Variants in MICA observed in about 807,000 individuals in gnomAD.
The protein encoded by MICA is MHC class I polypeptide-related sequence A, also known as HLA class I antigen.
A neutral mutation model predicts 34.3 loss-of-function variants in MICA; 18 were observed. The ratio of observed to expected loss-of-function variants is 0.52; its 90% CI spans 0.36 to 0.78. The LOEUF is 0.78. MICA is among the 30% of genes least tolerant of loss of function. MICA has a pLI of 0.00. For synonymous variants in MICA, 135 were observed against 156.9 expected, an observed-to-expected ratio of 0.86 and a Z score of 1.04; for missense variants, 333 against 409.4, an observed-to-expected ratio of 0.81 and a Z score of 1.61.
At chr6:31,405,708 A>T (rs1463877586) in intron 1 of MICA, among the ~76,000 whole-genome samples, 2 of 151,026 alleles carry the variant, frequency 1.3e-5, no homozygotes, top group Non-Finnish European at 2.9e-5. Flanking sequence ...CTGCTCCCCC[A>T]CTCCCCACTA....
rs1370013833 is a variant in MICA, at chr6:31,411,024, A to T, written c.326-48A>T. On this transcript the variant is annotated intron_variant, in intron 2 of 5. Transcript: ENST00000449934. The surrounding 1 kb of genome is among the most constrained non-coding windows in gnomAD (Gnocchi z 4.3). Reference sequence around the variant, plus strand: ...TGGGCTGAGTTCCTCACTTGGGTGGAAAGGTGATGGGTTCGGGAATGGAGA... The same window carrying T: ...TGGGCTGAGTTCCTCACTTGGGTGGTAAGGTGATGGGTTCGGGAATGGAGA... 6.6e-7 allele frequency: 1 copy of T among 1,515,690 alleles called. No homozygotes were observed. The highest frequency in any genetic ancestry group is 8.8e-7 in the Non-Finnish European group (1 of 1,130,520). 93.9% of individuals were successfully genotyped at this position (1,515,690 alleles called of 1,614,324 possible).
Position 31,410,813 on chromosome 6 carries a change from G to C in MICA, c.325+16G>C. The C allele has an allele frequency of 1.9e-6, 3 of 1,551,378 alleles. No individual in the cohort carries two copies. The highest frequency in any genetic ancestry group is 2.6e-6 in the Non-Finnish European group (3 of 1,147,038). ...CAGAAAGAAGGTGAGAGTCGGCAGG[G>C]GCAAGAGTGACTGGAGAGGCCTTTT... On this transcript the variant is annotated intron_variant, in intron 2 of 5. Transcript: ENST00000449934.
chr6:31,403,932 T>A lies in MICA; in HGVS notation c.70+230T>A, dbSNP rs149956121. Among the ~76,000 whole-genome samples the A allele has an allele frequency of 3.8e-3, 582 of 151,902 alleles. 14 individuals carry two copies. The East Asian group carries it at 0.051, about 13-fold the overall frequency. ...CCTGCACTTTCTGGTCTCCTCCTGC[T>A]CTTTCTCTCCTCGCGTCTCCTCCGC... is the stretch of plus-strand genomic sequence containing the variant. On this transcript the variant is annotated intron_variant, in intron 1 of 5. Transcript: ENST00000449934. This position sits in a 1 kb window ranked among gnomAD's most constrained non-coding sequence, Gnocchi z 4.7.
rs779601583 is a variant in MICA at position 31,411,043 on chromosome 6, A to T, written c.326-29A>T. On this transcript the variant is annotated intron_variant, in intron 2 of 5. Coordinates refer to ENST00000449934, the MANE Select transcript of MICA (RefSeq NM_001177519.3). This position sits in a 1 kb window ranked among gnomAD's most constrained non-coding sequence, Gnocchi z 4.3. ...GGGTGGAAAGGTGATGGGTTCGGGA[A>T]TGGAGAAGTCACTGCTGGGTGGGGG... 2.6e-6 allele frequency: 4 copies of T among 1,550,750 alleles called. No homozygotes were observed. The South Asian group carries it at 3.6e-5, about 14-fold the overall frequency.
intron 5 of MICA, among the ~76,000 whole-genome samples, chr6:31,414,739 C>G (rs1284082208): frequency 6.6e-6 from 1 of 151,890 alleles, no homozygotes; most frequent in Non-Finnish European, 1.5e-5. Flanking sequence ...ACTGGGTTCC[C>G]TCTTGGGTCT....
rs1162230694 is a variant in MICA at position 31,412,179 on chromosome 6, C to A, written c.846C>A (p.Cys282Ter). 1.4e-5 allele frequency: 23 copies of A among 1,612,146 alleles called. No homozygotes were observed. Among genetic ancestry groups the A allele is most frequent in the Non-Finnish European group, 1.9e-5 (23 of 1,179,596 alleles). ...GAGGAGAGGAGCAGAGGTTCACCTG[C>A]TACATGGAACACAGCGGGAATCACA... Reference protein sequence around the residue: ...ICRGEEQRFTCYMEHSGNHST... With the variant: ...ICRGEEQRFT The change falls in exon 4 of 6, where the codon TGC (cysteine) becomes TGA (stop). Residue 282 changes from cysteine to a stop codon, truncating the protein, a stop_gained. Transcript: ENST00000449934. LOFTEE classifies it high-confidence loss of function.
upstream of MICA, chr6:31,403,572 T>G: frequency 3.0e-5 from 42 of 1,384,990 alleles, 2 homozygotes; most frequent in South Asian, 5.9e-4. The surrounding 1 kb of genome is among the most constrained non-coding windows in gnomAD (Gnocchi z 4.7). Context: ...TGACTAAGTT[T>G]CCGCGGCGCC....
chr6:31,409,161 G>A (rs1770920748), intron 1 of MICA, among the ~76,000 whole-genome samples: 1 of 151,678 alleles, frequency 6.6e-6, no homozygotes, highest in South Asian at 2.1e-4. Flanking sequence ...TGGACACTTG[G>A]GTTACTTCTA....
upstream of MICA, among the ~76,000 whole-genome samples, chr6:31,401,854 T>C (rs981100571): frequency 5.9e-5 from 9 of 151,986 alleles, no homozygotes; most frequent in South Asian, 1.0e-3. Flanking sequence ...CCTGGGAACA[T>C]GGATATTAAA....
At chr6:31,402,161 G>C (rs1214759957), upstream of MICA, 5 of 151,590 alleles carry the variant, frequency 3.3e-5, no homozygotes, top group Non-Finnish European at 7.4e-5. Flanking sequence ...TTAAAGGCTA[G>C]TCAAGTGAAA....
At position 31,410,645 on chromosome 6, in the gene MICA, G is replaced by A. The variant is rs746669979; in HGVS notation, c.173G>A (p.Arg58His). ...CATCTGGATGGTCAGCCCTTCCTGC[G>A]CTATGACAGGCAGAAATGCAGGGCA... Reference protein sequence around the residue: ...EVHLDGQPFLRYDRQKCRAKP... With the variant: ...EVHLDGQPFLHYDRQKCRAKP... Residue 58 changes from arginine to histidine, a missense_variant, in exon 2 of 6, where the codon CGC (arginine) becomes CAC (histidine). Coordinates refer to ENST00000449934, the MANE Select transcript of MICA (RefSeq NM_001177519.3). 1.7e-5 allele frequency: 28 copies of A among 1,613,420 alleles called. No homozygotes were observed. Among genetic ancestry groups the A allele is most frequent in the East Asian group, 4.5e-5 (2 of 44,844 alleles).
intron 1 of MICA, among the ~76,000 whole-genome samples, chr6:31,408,355 C>T (rs1368081411): frequency 2.6e-5 from 4 of 151,902 alleles, no homozygotes; most frequent in Admixed American, 2.6e-4. Flanking sequence ...ATATTCCTGG[C>T]TTTGTAAAAT....
Position 31,410,773 on chromosome 6 carries a change from G to A in MICA, c.301G>A (p.Ala101Thr), listed in dbSNP as rs17200207. 2 of 1,573,334 alleles carry A rather than the reference G, an allele frequency of 1.3e-6. No individual in the cohort carries two copies. Among genetic ancestry groups the A allele is most frequent in the Non-Finnish European group, 1.7e-6 (2 of 1,159,220 alleles). ...GNGKDLRMTLAHIKDQKEGLH... is the reference protein window; with the variant it reads ...GNGKDLRMTLTHIKDQKEGLH... ...CGGAAAGGACCTCAGGATGACCCTG[G>A]CTCATATCAAGGACCAGAAAGAAGG... The change falls in exon 2 of 6, where the codon GCT (alanine) becomes ACT (threonine). Residue 101 changes from alanine to threonine, a missense_variant. Physicochemically the swap from Ala to Thr is moderately conservative, Grantham distance 58. Coordinates refer to ENST00000449934, the MANE Select transcript of MICA (RefSeq NM_001177519.3).
intron 1 of MICA, among the ~76,000 whole-genome samples, chr6:31,409,398 A>G (rs539979085): frequency 6.6e-6 from 1 of 151,106 alleles, no homozygotes; most frequent in African/African-American, 2.4e-5. Flanking sequence ...TTGGATTTGC[A>G]TTTTCCTAAT....
At position 31,415,267 on chromosome 6, in the gene MICA, G is replaced by A. The variant is rs1771459079; in HGVS notation, c.*285G>A. 2 of 535,588 alleles carry A rather than the reference G, an allele frequency of 3.7e-6. No homozygotes were observed. Among genetic ancestry groups the A allele is most frequent in the African/African-American group, 2.0e-5 (1 of 51,192 alleles). 33.2% of individuals were successfully genotyped at this position (535,588 alleles called of 1,614,324 possible). ...AAGCACTTATTTATTGTTGTTGGAG[G>A]CTGCAAAATGTTAGTAGATATGAGG... On this transcript the variant is annotated 3_prime_UTR_variant, in exon 6 of 6. Transcript: ENST00000449934.
chr6:31,409,141 C>T (rs1298675736), intron 1 of MICA, among the ~76,000 whole-genome samples: 2 of 151,762 alleles, frequency 1.3e-5, no homozygotes, highest in Non-Finnish European at 1.5e-5. Flanking sequence ...GTTATCCATC[C>T]CTCAGACAAT....
intron 1 of MICA, among the ~76,000 whole-genome samples, chr6:31,404,454 C>T (rs1770635788): frequency 6.6e-6 from 1 of 151,716 alleles, no homozygotes. Flanking sequence ...GTCCTTTTGC[C>T]CTCCCAGCTC....
At chr6:31,404,711 A>G (rs35452468) in intron 1 of MICA, among the ~76,000 whole-genome samples, 3 of 151,876 alleles carry the variant, frequency 2.0e-5, no homozygotes, top group Non-Finnish European at 2.9e-5. Flanking sequence ...CCCAAGGGGA[A>G]CCCTGATGCT....
intron 1 of MICA, among the ~76,000 whole-genome samples, chr6:31,409,723 A>G (rs146848072): frequency 9.6e-4 from 146 of 151,984 alleles, no homozygotes; most frequent in African/African-American, 3.4e-3. Flanking sequence ...GTTTGCTTCT[A>G]AGAAATTTTT....
Sources: gnomAD v4.1 joint callset for allele counts (sites outside exome capture counted in the v4.1 genomes callset) on GRCh38, gnomAD v4.1.1 for gene constraint, Gnocchi (gnomAD v3.1) non-coding constraint, MANE v1.5 for transcripts, NCBI Gene and HGNC (gene_info 2026-07-23, HGNC 2026-07-21) for gene names.